Variants in ABCC8 observed in about 807,000 individuals in gnomAD.
ABCC8 encodes the protein ATP binding cassette subfamily C member 8.
In ABCC8, 137 loss-of-function variants were observed where a neutral mutation model predicts 188.0. The observed-to-expected ratio is 0.73, with a 90% confidence interval of 0.63 to 0.84. The LOEUF (loss-of-function observed/expected upper bound fraction) is 0.84. Among genes scored for constraint, ABCC8 ranks in the 40% least tolerant of loss-of-function variants. The pLI, the probability that ABCC8 is intolerant of heterozygous loss-of-function variation, is 0.00. For synonymous variants in ABCC8, 797 were observed against 846.5 expected, an observed-to-expected ratio of 0.94 and a Z score of 1.01; for missense variants, 1,750 against 2,072.7, an observed-to-expected ratio of 0.84 and a Z score of 3.02.
intron 11 of ABCC8, 68 bp downstream of exon 11, chr11:17,432,136 C>T: frequency 1.3e-6 from 2 of 1,544,934 alleles, no homozygotes; most frequent in East Asian, 2.4e-5. Flanking sequence ...CAAATCTGGG[C>T]AGCCTGTCAC....
rs541889160 is a variant in ABCC8, at chr11:17,433,935, C to T, written c.1631-1691G>A. Among the ~76,000 whole-genome samples the T allele has an allele frequency of 6.6e-5, 10 of 152,324 alleles. No individual in the cohort carries two copies. In the South Asian group the frequency reaches 1.7e-3, roughly 25 times the overall value. On this transcript the variant is annotated intron_variant, in intron 10 of 38. Coordinates refer to ENST00000389817, the MANE Select transcript of ABCC8 (RefSeq NM_000352.6). ...CTACCATGCCACAGCCCTCCTGCAC[C>T]GTTTCCGGCAGGAAACAGCGTAAGT...
intron 10 of ABCC8, among the ~76,000 whole-genome samples, chr11:17,436,816 C>T (rs867710628): frequency 6.6e-6 from 1 of 152,156 alleles, no homozygotes; most frequent in Non-Finnish European, 1.5e-5. Flanking sequence ...AGGCTGGGCA[C>T]AGTGGCTCAC....
In ABCC8 at chr11:17,393,685, T is replaced by C; in HGVS notation, c.4608+12A>G. 2.5e-6 allele frequency: 4 copies of C among 1,614,186 alleles called. No individual in the cohort carries two copies. Among genetic ancestry groups the C allele is most frequent in the South Asian group, 1.1e-5 (1 of 91,086 alleles). On this transcript the variant is annotated intron_variant, in intron 38 of 38. Coordinates refer to ENST00000389817, the MANE Select transcript of ABCC8 (RefSeq NM_000352.6). ...TGGGTGTCCCTCTGCACCCCATCAA[T>C]GGGCCCCTTACCGCGATGGTGACCA... is the stretch of plus-strand genomic sequence containing the variant.
intron 16 of ABCC8, among the ~76,000 whole-genome samples, chr11:17,424,092 A>T (rs1955474551): frequency 6.6e-6 from 1 of 152,200 alleles, no homozygotes; most frequent in Admixed American, 6.5e-5. Context: ...ACATGTGCTC[A>T]CTATAAGTGG....
intron 36 of ABCC8, among the ~76,000 whole-genome samples, chr11:17,394,824 ATCT>A (rs1413155411): frequency 2.6e-5 from 4 of 152,102 alleles, no homozygotes; most frequent in Admixed American, 6.5e-5. Context: ...TGCCCAGTCC[ATCT>A]TCTCCTCCCC....
intron 7 of ABCC8, among the ~76,000 whole-genome samples, chr11:17,450,320 T>C (rs58371817): frequency 0.021 from 2,262 of 105,506 alleles, 104 homozygotes; most frequent in African/African-American, 0.082. Context: ...CTTTCTTTCT[T>C]TCTTTCTCTC....
chr11:17,467,633 T>C (rs1848245827), intron 3 of ABCC8, among the ~76,000 whole-genome samples: 1 of 152,234 alleles, frequency 6.6e-6, no homozygotes, highest in African/African-American at 2.4e-5. Context: ...AGGATCATGG[T>C]TCCCTCACGG....
chr11:17,464,498 T>C (rs1848025906), intron 3 of ABCC8, among the ~76,000 whole-genome samples: 1 of 152,210 alleles, frequency 6.6e-6, no homozygotes, highest in African/African-American at 2.4e-5. Context: ...AGTTTCCTCA[T>C]CCATTAAGTG....
At chr11:17,474,574 G>A (rs749201640) in intron 2 of ABCC8, among the ~76,000 whole-genome samples, 2 of 151,296 alleles carry the variant, frequency 1.3e-5, no homozygotes, top group Non-Finnish European at 2.9e-5. Context: ...AGGTAACTCC[G>A]GCAGGTTGTA....
intron 3 of ABCC8, among the ~76,000 whole-genome samples, chr11:17,467,365 C>G (rs1848229315): frequency 6.6e-6 from 1 of 152,166 alleles, no homozygotes; most frequent in Admixed American, 6.5e-5. Context: ...TTGTAGTGAC[C>G]CAAGGTGGTG....
chr11:17,441,697 C>T (rs1440979298), intron 10 of ABCC8, among the ~76,000 whole-genome samples: 1 of 152,150 alleles, frequency 6.6e-6, no homozygotes, highest in African/African-American at 2.4e-5. Flanking sequence ...GGCCAGGACT[C>T]CATGGATCAC....
intron 4 of ABCC8, among the ~76,000 whole-genome samples, chr11:17,462,382 G>A (rs1957225532): frequency 6.6e-6 from 1 of 152,202 alleles, no homozygotes; most frequent in Non-Finnish European, 1.5e-5. Context: ...GAGAAATGCA[G>A]GCAGTCCAAG....
intron 8 of ABCC8, among the ~76,000 whole-genome samples, chr11:17,444,037 G>A (rs1023563124): frequency 6.6e-6 from 1 of 152,260 alleles, no homozygotes; most frequent in Admixed American, 6.5e-5. Flanking sequence ...GAGAGAGAGA[G>A]AAAGGACTGC....
At chr11:17,435,700 A>T in intron 10 of ABCC8, 1 of 1,379,302 alleles carries the variant, frequency 7.3e-7, no homozygotes, top group Non-Finnish European at 1.0e-6. Context: ...TACAGAGGAC[A>T]GTACAGTAAG....
intron 10 of ABCC8, chr11:17,435,999 C>T (rs75188593): frequency 1.3e-6 from 2 of 1,549,628 alleles, no homozygotes. Context: ...TGGGAAGAGA[C>T]CAACTGTAGA....
intron 5 of ABCC8, chr11:17,460,976 C>A: frequency 2.1e-6 from 1 of 483,036 alleles, no homozygotes; most frequent in Non-Finnish European, 3.7e-6. Flanking sequence ...CCATGTGCCA[C>A]ACTCACTCAT....
intron 29 of ABCC8, among the ~76,000 whole-genome samples, chr11:17,399,526 C>A (rs1411683006): frequency 6.6e-6 from 1 of 152,140 alleles, no homozygotes; most frequent in African/African-American, 2.4e-5. Context: ...AAGGCTGGCT[C>A]AACTCAACCT....
chr11:17,394,995 C>T, intron 36 of ABCC8, 177 bp downstream of exon 36: 2 of 763,754 alleles, frequency 2.6e-6, no homozygotes, highest in South Asian at 3.5e-5. Context: ...GTTGTGTGAC[C>T]TGGGGCAAGA....
chr11:17,418,712 C>T (rs1233361766), intron 16 of ABCC8, among the ~76,000 whole-genome samples: 2 of 152,154 alleles, frequency 1.3e-5, no homozygotes, highest in African/African-American at 4.8e-5. Context: ...ACATGGTCTG[C>T]ACTGCTCAAT....
Sources: allele counts gnomAD v4.1 joint callset (sites outside exome capture counted in the v4.1 genomes callset), GRCh38; gene constraint gnomAD v4.1.1; transcripts MANE v1.5; gene names NCBI Gene and HGNC (gene_info 2026-07-23, HGNC 2026-07-21).